Variants in DGKI observed in about 807,000 individuals in gnomAD.
The protein encoded by DGKI is DAG kinase iota.
Under a neutral mutation model 147.5 loss-of-function variants are expected in DGKI, and 55 were observed. The ratio of observed to expected loss-of-function variants is 0.37; its 90% CI spans 0.30 to 0.47. DGKI has a LOEUF of 0.47. Ranked by LOEUF, DGKI falls within the 20% of genes least tolerant of loss-of-function variation. The pLI is 1.00. For missense variants in DGKI, 1,007 were observed against 1,323.8 expected (o/e 0.76, Z 3.71); for synonymous variants, 469 against 477.1 (o/e 0.98, Z 0.22).
At chr7:137,395,423 T>C (rs1203931507) in intron 32 of DGKI, among the ~76,000 whole-genome samples, 175 bp downstream of exon 32, 1 of 152,258 alleles carries the variant, frequency 6.6e-6, no homozygotes, top group African/African-American at 2.4e-5. Flanking sequence ...TTTGTGCTTA[T>C]ACATTTAAAT....
At chr7:137,732,742 C>T (rs920146396) in intron 1 of DGKI, among the ~76,000 whole-genome samples, 2 of 151,978 alleles carry the variant, frequency 1.3e-5, no homozygotes, top group African/African-American at 4.8e-5. Flanking sequence ...TCCCCCAGCC[C>T]GCCTTTTGTA....
rs551853689 is a variant in DGKI, at chr7:137,583,253, C to T, written c.1564-1325G>A. Reference sequence around the variant, plus strand: ...AAATGGTCTCCACTAAATGAAGGACCGAGAGAGAAACTAAACACATAGAAC... The same window carrying T: ...AAATGGTCTCCACTAAATGAAGGACTGAGAGAGAAACTAAACACATAGAAC... On this transcript the variant is annotated intron_variant, in intron 14 of 32. Transcript: ENST00000614521. Among the ~76,000 whole-genome samples the T allele has an allele frequency of 5.9e-5, 9 of 152,154 alleles. No homozygotes were observed. The East Asian group carries it at 1.2e-3, about 20-fold the overall frequency.
intron 21 of DGKI, among the ~76,000 whole-genome samples, chr7:137,507,307 T>C (rs891810936): frequency 1.3e-5 from 2 of 152,228 alleles, no homozygotes; most frequent in Non-Finnish European, 2.9e-5. Flanking sequence ...AAAAATGTCA[T>C]CCACAAGATA....
At chr7:137,747,507 G>A (rs1224219672) in intron 1 of DGKI, among the ~76,000 whole-genome samples, 4 of 151,956 alleles carry the variant, frequency 2.6e-5, no homozygotes, top group Non-Finnish European at 5.9e-5. Flanking sequence ...TTTACACAAG[G>A]CATAACCGAA....
chr7:137,724,675 G>GT (rs1254327669), intron 1 of DGKI, among the ~76,000 whole-genome samples: 1 of 152,214 alleles, frequency 6.6e-6, no homozygotes, highest in African/African-American at 2.4e-5. Context: ...AGAGGACCAA[G>GT]TGTTTGGGAT....
rs546399355 is a variant in DGKI at position 137,668,088 on chromosome 7, T to C, written c.606+10469A>G. On this transcript the variant is annotated intron_variant, in intron 3 of 32. Transcript: ENST00000614521. ...TCTAACCCAAAGCCATCTCTATGTG[T>C]TACAGCTTACTGTTTTCCTCTTTTC... Among the ~76,000 whole-genome samples the C allele has an allele frequency of 2.6e-5, 4 of 152,340 alleles. No individual in the cohort carries two copies. In the Middle Eastern group the frequency reaches 0.01, roughly 389 times the overall value.
intron 2 of DGKI, among the ~76,000 whole-genome samples, chr7:137,682,749 C>A (rs1472756256): frequency 6.6e-6 from 1 of 152,158 alleles, no homozygotes; most frequent in Non-Finnish European, 1.5e-5. Flanking sequence ...AGCAGAAATT[C>A]CAGACTTGTT....
chr7:137,454,192 A>G (rs1192957065), intron 27 of DGKI, among the ~76,000 whole-genome samples: 4 of 152,326 alleles, frequency 2.6e-5, no homozygotes, highest in African/African-American at 7.2e-5. Flanking sequence ...AGGTTTAGCC[A>G]TTCAACAATG....
intron 30 of DGKI, among the ~76,000 whole-genome samples, chr7:137,407,156 G>C (rs1052079663): frequency 1.3e-5 from 2 of 152,032 alleles, no homozygotes; most frequent in East Asian, 3.9e-4. Flanking sequence ...CTTTATTCCT[G>C]TTCTTTATTC....
intron 12 of DGKI, among the ~76,000 whole-genome samples, chr7:137,594,404 C>CT (rs1365049511): frequency 6.6e-6 from 1 of 152,100 alleles, no homozygotes; most frequent in Non-Finnish European, 1.5e-5. Flanking sequence ...AGCCTAAGAA[C>CT]TTTTTTCCAA....
At chr7:137,629,262 C>T (rs1821048174) in intron 6 of DGKI, among the ~76,000 whole-genome samples, 1 of 151,472 alleles carries the variant, frequency 6.6e-6, no homozygotes, top group South Asian at 2.1e-4. Context: ...TATATTTCAT[C>T]TCTAAAATGT....
intron 32 of DGKI, 133 bp from the exon 33 acceptor site, chr7:137,391,469 A>G (rs909176677): frequency 8.0e-6 from 5 of 622,234 alleles, no homozygotes; most frequent in African/African-American, 1.9e-5. Context: ...ACCTGCTAGT[A>G]AGGATCCTTT....
chr7:137,534,816 T>C (rs530452639), intron 20 of DGKI, among the ~76,000 whole-genome samples: 4 of 152,274 alleles, frequency 2.6e-5, no homozygotes, highest in Non-Finnish European at 5.9e-5. Context: ...AAGTTGAAGT[T>C]CTAACCCATA....
chr7:137,693,446 T>A lies in DGKI; in HGVS notation c.402-3444A>T, dbSNP rs62490507. 3.3e-3 allele frequency among the ~76,000 whole-genome samples: 497 copies of A among 152,252 alleles called. 2 individuals are homozygous for A. The highest frequency in any genetic ancestry group is 6.8e-3 in the Middle Eastern group (2 of 292). ...GTGAAATAGATATGAAAAGAAAATA[T>A]CCTATAATGCAGTTTCAATAATACA... On this transcript the variant is annotated intron_variant, in intron 1 of 32. Transcript: ENST00000614521.
intron 19 of DGKI, among the ~76,000 whole-genome samples, chr7:137,570,834 C>T (rs543859244): frequency 2.0e-5 from 3 of 152,232 alleles, no homozygotes; most frequent in Non-Finnish European, 2.9e-5. Context: ...GTTGATCCAC[C>T]CACCTCGGCC....
At chr7:137,787,419 C>T (rs1283479621) in intron 1 of DGKI, among the ~76,000 whole-genome samples, 1 of 152,126 alleles carries the variant, frequency 6.6e-6, no homozygotes, top group East Asian at 1.9e-4. Flanking sequence ...CATTTTGATA[C>T]GACCTTACTC....
rs373741525 is a variant in DGKI at position 137,604,602 on chromosome 7, C to T, written c.1167+4364G>A. Among the ~76,000 whole-genome samples, 28 of 152,240 alleles carry T rather than the reference C, an allele frequency of 1.8e-4. 1 individual carries two copies. The South Asian group carries it at 5.0e-3, about 27-fold the overall frequency. On this transcript the variant is annotated intron_variant, in intron 10 of 32. Transcript: ENST00000614521. Reference sequence around the variant, plus strand: ...CCCTGGGACCTGTAATCCAAGGATCCAACTCCTGCCATACTTCTACCCCAG... The same window carrying T: ...CCCTGGGACCTGTAATCCAAGGATCTAACTCCTGCCATACTTCTACCCCAG...
chr7:137,476,867 AC>A (rs1260252335), intron 23 of DGKI, among the ~76,000 whole-genome samples: 9 of 152,180 alleles, frequency 5.9e-5, no homozygotes, highest in Non-Finnish European at 1.2e-4. Flanking sequence ...AGAGCTCATG[AC>A]CTTATGCACA....
Position 137,609,534 on chromosome 7 carries a change from C to T in DGKI, c.1068+1G>A. 1 of 1,608,496 alleles carries T rather than the reference C, an allele frequency of 6.2e-7. No homozygotes were observed. Among genetic ancestry groups the T allele is most frequent in the Non-Finnish European group, 8.5e-7 (1 of 1,175,106 alleles). ...TCAGAATAAAACTCTGAAACACTTACTTCCATCCCTCTTTTACTGGCTTTT... is the reference window on the plus strand; with the variant it reads ...TCAGAATAAAACTCTGAAACACTTATTTCCATCCCTCTTTTACTGGCTTTT... On this transcript the variant is annotated splice_donor_variant, in intron 9 of 32. Transcript: ENST00000614521. LOFTEE classifies it high-confidence loss of function.
Sources: gnomAD v4.1 joint callset for allele counts (sites outside exome capture counted in the v4.1 genomes callset) on GRCh38, gnomAD v4.1.1 for gene constraint, MANE v1.5 for transcripts, NCBI Gene and HGNC (gene_info 2026-07-23, HGNC 2026-07-21) for gene names.